PRKG2: variants seen among roughly 807,000 people sequenced by gnomAD.
PRKG2 encodes the protein cGMP-dependent protein kinase 2.
PRKG2 carries 33 observed loss-of-function variants against 97.2 expected under a neutral mutation model. The ratio of observed to expected loss-of-function variants is 0.34; its 90% CI spans 0.26 to 0.45. PRKG2 has a LOEUF of 0.45. Ranked by LOEUF, PRKG2 falls within the 20% of genes least tolerant of loss-of-function variation. PRKG2 has a pLI of 1.00. For synonymous variants in PRKG2, 330 were observed against 321.8 expected, an observed-to-expected ratio of 1.03 and a Z score of -0.27; for missense variants, 638 against 900.0, an observed-to-expected ratio of 0.71 and a Z score of 3.73.
At position 81,104,958 on chromosome 4, in the gene PRKG2, T is replaced by C. The variant is rs1044390479; in HGVS notation, c.2064-526A>G. On this transcript the variant is annotated intron_variant, in intron 16 of 18. Coordinates refer to ENST00000264399, the MANE Select transcript of PRKG2 (RefSeq NM_006259.3). ...ATTATTTTTAATGGTAAGTAGAAGT[T>C]GGGGTAATTTAAAATAAGAACAGAG... Among the ~76,000 whole-genome samples, 42 of 152,140 alleles carry C rather than the reference T, an allele frequency of 2.8e-4. 1 individual carries two copies. Among genetic ancestry groups the C allele is most frequent in the Non-Finnish European group, 5.9e-5 (4 of 68,022 alleles).
chr4:81,130,972 C>T (rs1010307550), intron 14 of PRKG2, among the ~76,000 whole-genome samples: 3 of 152,286 alleles, frequency 2.0e-5, no homozygotes, highest in Middle Eastern at 3.4e-3. Context: ...TGGCTTCAGC[C>T]CCCTTTCCAG....
chr4:81,142,956 G>A lies in PRKG2; in HGVS notation c.1254-9C>T. ...AGTTAGACATGGACCGCCTGTACAA[G>A]AGAAGTGAAACTTTACACACACACA... is the stretch of plus-strand genomic sequence containing the variant. On this transcript the variant is annotated splice_polypyrimidine_tract_variant and intron_variant, in intron 10 of 18. Transcript: ENST00000264399. 6.3e-7 allele frequency: 1 copy of A among 1,598,242 alleles called. No homozygotes were observed.
chr4:81,196,538 G>A (rs1454389778), intron 2 of PRKG2, among the ~76,000 whole-genome samples: 1 of 152,048 alleles, frequency 6.6e-6, no homozygotes, highest in African/African-American at 2.4e-5. Flanking sequence ...GGAACTGGAA[G>A]CTCTAGGTCT....
chr4:81,114,469 A>G (rs528253147), intron 14 of PRKG2, among the ~76,000 whole-genome samples: 1 of 152,322 alleles, frequency 6.6e-6, no homozygotes, highest in Non-Finnish European at 1.5e-5. Flanking sequence ...TTGATGAGGA[A>G]GTAGAAGGTG....
intron 16 of PRKG2, 50 bp from the exon 17 acceptor site, chr4:81,104,482 A>T: frequency 3.4e-6 from 3 of 872,334 alleles, no homozygotes; most frequent in Non-Finnish European, 4.6e-6. Context: ...TATTTATAAT[A>T]ATTATAATTC....
intron 14 of PRKG2, among the ~76,000 whole-genome samples, chr4:81,123,647 G>A (rs751841103): frequency 2.6e-5 from 4 of 152,006 alleles, no homozygotes; most frequent in African/African-American, 7.2e-5. Flanking sequence ...CTCATGATCC[G>A]CTCGCCTCAG....
At chr4:81,155,090 A>C (rs1182804209) in intron 6 of PRKG2, among the ~76,000 whole-genome samples, 1 of 145,230 alleles carries the variant, frequency 6.9e-6, no homozygotes, top group African/African-American at 2.6e-5. Context: ...AGGCAGGAGA[A>C]TGGCGTGAAC....
chr4:81,191,320 A>G (rs772997849), intron 2 of PRKG2, among the ~76,000 whole-genome samples: 69 of 152,152 alleles, frequency 4.5e-4, no homozygotes, highest in Admixed American at 3.9e-4. Flanking sequence ...ATTCTCAGCA[A>G]ACTAACACAG....
At chr4:81,152,472 C>A (rs924691220) in intron 7 of PRKG2, among the ~76,000 whole-genome samples, 2 of 152,138 alleles carry the variant, frequency 1.3e-5, no homozygotes, top group Non-Finnish European at 2.9e-5. Flanking sequence ...AGTCTGGTAT[C>A]AATAGATTGA....
At chr4:81,115,062 C>T (rs766867416) in intron 14 of PRKG2, among the ~76,000 whole-genome samples, 2 of 151,974 alleles carry the variant, frequency 1.3e-5, no homozygotes, top group Non-Finnish European at 2.9e-5. Context: ...TGTGTTATTT[C>T]CAATCGTGTA....
intron 12 of PRKG2, among the ~76,000 whole-genome samples, chr4:81,138,110 A>G (rs946295495): frequency 6.6e-6 from 1 of 152,170 alleles, no homozygotes; most frequent in Non-Finnish European, 1.5e-5. Context: ...CCCCAAAGAG[A>G]GAGTATGATC....
intron 14 of PRKG2, among the ~76,000 whole-genome samples, chr4:81,115,786 A>C (rs1047227153): frequency 6.6e-6 from 1 of 152,194 alleles, no homozygotes; most frequent in South Asian, 2.1e-4. Context: ...TAACCAGAAG[A>C]GATAAAAAGC....
chr4:81,135,051 G>A, intron 14 of PRKG2, 104 bp downstream of exon 14: 2 of 1,146,568 alleles, frequency 1.7e-6, no homozygotes, highest in Non-Finnish European at 2.5e-6. Flanking sequence ...GCCAAAGAGA[G>A]AATAACAGCT....
intron 2 of PRKG2, among the ~76,000 whole-genome samples, chr4:81,202,602 C>T (rs2110127165): frequency 6.6e-6 from 1 of 152,204 alleles, no homozygotes; most frequent in South Asian, 2.1e-4. Flanking sequence ...ATCCACTTGG[C>T]TTGCCTTTAT....
intron 7 of PRKG2, 108 bp from the exon 8 acceptor site, chr4:81,152,162 A>T (rs1400409129): frequency 2.3e-5 from 18 of 790,852 alleles, no homozygotes; most frequent in Non-Finnish European, 2.4e-5. Context: ...TTGGACAAGG[A>T]AAAAGACAAT....
chr4:81,186,302 C>T (rs1471560546), intron 2 of PRKG2, among the ~76,000 whole-genome samples: 1 of 152,162 alleles, frequency 6.6e-6, no homozygotes, highest in African/African-American at 2.4e-5. Flanking sequence ...GAAATTAGAA[C>T]TCAAGATTAA....
intron 15 of PRKG2, among the ~76,000 whole-genome samples, chr4:81,109,205 A>G (rs1022013704): frequency 7.2e-6 from 1 of 139,596 alleles, no homozygotes; most frequent in Non-Finnish European, 1.5e-5. Flanking sequence ...TGTTTGCTCA[A>G]TGCAAGGTGT....
At chr4:81,152,103 G>A (rs1748463467) in intron 7 of PRKG2, 49 bp from the exon 8 acceptor site, 5 of 1,390,442 alleles carry the variant, frequency 3.6e-6, no homozygotes, top group Non-Finnish European at 5.0e-6. Context: ...AGAAAAAGGA[G>A]AATCTGAACA....
chr4:81,169,184 T>G (rs2110080831), intron 5 of PRKG2, among the ~76,000 whole-genome samples: 1 of 152,210 alleles, frequency 6.6e-6, no homozygotes. Flanking sequence ...AGCAAGTCAA[T>G]TTGCTACAAA....
Sources: gnomAD v4.1 joint callset for allele counts (sites outside exome capture counted in the v4.1 genomes callset) on GRCh38, gnomAD v4.1.1 for gene constraint, MANE v1.5 for transcripts, NCBI Gene and HGNC (gene_info 2026-07-23, HGNC 2026-07-21) for gene names.